ADGRV1: variants seen among roughly 807,000 people sequenced by gnomAD.
The protein encoded by ADGRV1 is adhesion G protein-coupled receptor V1, also known as G-protein coupled receptor 98.
A neutral mutation model predicts 596.2 loss-of-function variants in ADGRV1; 359 were observed. The observed-to-expected ratio is 0.60, with a 90% CI of 0.55 to 0.66. The LOEUF (loss-of-function observed/expected upper bound fraction) is 0.66. Among genes scored for constraint, ADGRV1 ranks in the 30% least tolerant of loss-of-function variants. The pLI is 0.00. For synonymous variants in ADGRV1, 2,681 were observed against 2,679.2 expected (o/e 1.00, Z -0.02); for missense variants, 7,274 against 7,575.6 (o/e 0.96, Z 1.48).
At chr5:91,029,657 C>T (rs1020183121) in intron 85 of ADGRV1, among the ~76,000 whole-genome samples, 3 of 152,094 alleles carry the variant, frequency 2.0e-5, no homozygotes, top group African/African-American at 7.2e-5. Context: ...AGTTGTCCAA[C>T]AATTTTTTGT....
chr5:90,619,510 A>G (rs1022323452), intron 4 of ADGRV1, among the ~76,000 whole-genome samples: 9 of 152,284 alleles, frequency 5.9e-5, no homozygotes, highest in African/African-American at 2.2e-4. Context: ...AATGTCACCT[A>G]AAGAAAGTGT....
intron 84 of ADGRV1, among the ~76,000 whole-genome samples, chr5:90,973,737 C>G (rs1350234414): frequency 6.6e-6 from 1 of 152,154 alleles, no homozygotes; most frequent in African/African-American, 2.4e-5. Context: ...AAACCTACAA[C>G]CAATATCATA....
At chr5:91,046,097 G>A (rs934409807) in intron 85 of ADGRV1, among the ~76,000 whole-genome samples, 2 of 152,038 alleles carry the variant, frequency 1.3e-5, no homozygotes, top group Admixed American at 6.6e-5. Context: ...ATTGCCAAAA[G>A]CAATCTATAA....
At chr5:91,072,723 A>C (rs1429550302) in intron 86 of ADGRV1, 119 bp downstream of exon 86, 5 of 995,848 alleles carry the variant, frequency 5.0e-6, no homozygotes, top group Non-Finnish European at 6.0e-6. Context: ...CTCTGAAGCC[A>C]CAAGTTAAGC....
At chr5:90,715,979 C>G (rs939707347) in intron 42 of ADGRV1, among the ~76,000 whole-genome samples, 1 of 152,122 alleles carries the variant, frequency 6.6e-6, no homozygotes, top group African/African-American at 2.4e-5. Context: ...GGTTACTCAG[C>G]TTGCTTTGTG....
Position 90,725,107 on chromosome 5 carries a change from A to G in ADGRV1, c.9928A>G (p.Lys3310Glu). Residue 3310 changes from lysine (K) to glutamate (E), a missense_variant, in exon 47 of 90, where the codon AAA becomes GAA. Around this residue, in one of 5 missense-constraint regions of ADGRV1, gnomAD observed 3,643 missense variants for 3,809.2 expected, o/e 0.96. Coordinates refer to ENST00000405460, the MANE Select transcript of ADGRV1 (RefSeq NM_032119.4). ...PVEDLNIENP[K>E]TCEAFNIGFS... Reference sequence around the variant, plus strand: ...CTAGGATTTAAATATAGAAAATCCTAAAACTTGTGAGGCCTTTAATATTGG... The same window carrying G: ...CTAGGATTTAAATATAGAAAATCCTGAAACTTGTGAGGCCTTTAATATTGG... The G allele has an allele frequency of 1.3e-6, 2 of 1,538,768 alleles. No homozygotes were observed. The highest frequency in any genetic ancestry group is 1.2e-5 in the South Asian group (1 of 82,344).
chr5:90,601,624 G>A (rs1580413465), intron 1 of ADGRV1, among the ~76,000 whole-genome samples: 1 of 152,196 alleles, frequency 6.6e-6, no homozygotes, highest in Non-Finnish European at 1.5e-5. Flanking sequence ...TTTTACAGAA[G>A]AGGAAGTAGA....
At chr5:90,720,269 A>G (rs1750741527) in intron 44 of ADGRV1, 46 bp downstream of exon 44, 2 of 1,216,750 alleles carry the variant, frequency 1.6e-6, no homozygotes, top group African/African-American at 3.0e-5. Context: ...AGCTATAAGT[A>G]GGGAATATTT....
At chr5:91,016,884 A>AACTT (rs1338807833) in intron 85 of ADGRV1, among the ~76,000 whole-genome samples, 71 of 152,072 alleles carry the variant, frequency 4.7e-4, no homozygotes, top group African/African-American at 1.7e-3. Flanking sequence ...AAGTACAGGG[A>AACTT]TGAAAAGGGA....
intron 85 of ADGRV1, among the ~76,000 whole-genome samples, chr5:91,044,154 A>G (rs552425682): frequency 1.3e-5 from 2 of 152,262 alleles, no homozygotes; most frequent in Non-Finnish European, 2.9e-5. Context: ...AGCACAAAAT[A>G]ATCACAATTA....
In ADGRV1 at chr5:90,710,878, A is replaced by C. The variant is rs62375136; in HGVS notation, c.8825-103A>C. 704 of 694,900 alleles carry C rather than the reference A, an allele frequency of 1.0e-3. 3 individuals are homozygous for C. The highest frequency in any genetic ancestry group is 1.4e-3 in the Non-Finnish European group (562 of 404,288). 43.0% of individuals were successfully genotyped at this position (694,900 alleles called of 1,614,324 possible). ...TGAGTAATGTTGATAATACCTGTAC[A>C]TTATGAATTATATAATTTCAAAGGG... On this transcript the variant is annotated intron_variant, in intron 39 of 89. Transcript: ENST00000405460.
At chr5:90,585,228 A>C (rs1013884166) in intron 1 of ADGRV1, among the ~76,000 whole-genome samples, 3 of 152,226 alleles carry the variant, frequency 2.0e-5, no homozygotes, top group African/African-American at 7.2e-5. Context: ...CATTGAGTGT[A>C]TAAAAAATTC....
rs1417658520 is a variant in ADGRV1, at chr5:90,756,459, C to G, written c.11586C>G (p.Asp3862Glu). The G allele has an allele frequency of 1.3e-6, 2 of 1,506,908 alleles. No individual in the cohort carries two copies. The highest frequency in any genetic ancestry group is 2.8e-5 in the African/African-American group (2 of 70,896). 93.3% of individuals were successfully genotyped at this position (1,506,908 alleles called of 1,614,324 possible). A position where few individuals can be genotyped will look rare whatever the true frequency, so the allele number is the denominator to read the frequency against. The change falls in exon 56 of 90, where the codon GAC becomes GAG. Residue 3862 changes from aspartate (D) to glutamate (E), a missense_variant. Transcript: ENST00000405460. ...CTTTTTCCCCCATCCCCCAGGATGA[C>G]CTTCCTGAATTGGAGGAAGGATTTA... The part of the protein sequence containing the change: ...AHAEVSILPD[D>E]LPELEEGFIV...
intron 75 of ADGRV1, among the ~76,000 whole-genome samples, chr5:90,818,444 A>G (rs1375766344): frequency 3.3e-5 from 5 of 150,596 alleles, no homozygotes; most frequent in African/African-American, 1.2e-4. Flanking sequence ...AGAACTTCCA[A>G]CATTATGTTG....
At chr5:91,128,542 A>C (rs998286486) in intron 87 of ADGRV1, among the ~76,000 whole-genome samples, 11 of 152,290 alleles carry the variant, frequency 7.2e-5, no homozygotes, top group Middle Eastern at 3.4e-3. Flanking sequence ...TGGATGAATA[A>C]ATACTTGGAT....
rs1434691320 is a variant in ADGRV1 at position 90,577,100 on chromosome 5, G to A, written c.22+18183G>A. Among the ~76,000 whole-genome samples, 3 of 152,224 alleles carry A rather than the reference G, an allele frequency of 2.0e-5. No homozygotes were observed. In the East Asian group the frequency reaches 5.8e-4, roughly 29 times the overall value. On this transcript the variant is annotated intron_variant, in intron 1 of 89. Coordinates refer to ENST00000405460, the MANE Select transcript of ADGRV1 (RefSeq NM_032119.4). Reference sequence around the variant, plus strand: ...CATGCTGATGGTAGTTTCTTTTGCTGTGCAGAAGCTCTTTAGTTTAATTAG... The same window carrying A: ...CATGCTGATGGTAGTTTCTTTTGCTATGCAGAAGCTCTTTAGTTTAATTAG...
chr5:90,682,842 A>G (rs1745122292), intron 27 of ADGRV1, among the ~76,000 whole-genome samples: 2 of 145,922 alleles, frequency 1.4e-5, no homozygotes, highest in African/African-American at 2.8e-5. Context: ...TTCTTAACAT[A>G]TTATTGACAA....
intron 21 of ADGRV1, among the ~76,000 whole-genome samples, chr5:90,664,114 A>G (rs1251848471): frequency 6.7e-6 from 1 of 148,642 alleles, no homozygotes; most frequent in African/African-American, 2.5e-5. Context: ...TTGGTTCCAT[A>G]TGAACTTTAA....
At chr5:91,065,499 G>A (rs550984877) in intron 85 of ADGRV1, among the ~76,000 whole-genome samples, 1 of 152,240 alleles carries the variant, frequency 6.6e-6, no homozygotes, top group South Asian at 2.1e-4. Context: ...TAATGTAAAT[G>A]GACTCAAATC....
Sources: allele counts gnomAD v4.1 joint callset (sites outside exome capture counted in the v4.1 genomes callset), GRCh38; gene constraint gnomAD v4.1.1; regional missense constraint gnomAD v4.1.1; transcripts MANE v1.5; gene names NCBI Gene and HGNC (gene_info 2026-07-23, HGNC 2026-07-21).